The following LRBA variants were observed in gnomAD, a reference collection of about 807,000 sequenced individuals.
LRBA encodes lipopolysaccharide-responsive and beige-like anchor protein.
LRBA carries 176 observed loss-of-function variants against 330.0 expected under a neutral mutation model. That is an observed-to-expected ratio of 0.53 (90% CI 0.47 to 0.60). The LOEUF is 0.60. Ranked by LOEUF, LRBA falls within the 20% of genes least tolerant of loss-of-function variation. LRBA has a pLI of 0.00. For missense variants in LRBA, 3,259 were observed against 3,444.8 expected (o/e 0.95, Z 1.35); for synonymous variants, 1,230 against 1,193.0 (o/e 1.03, Z -0.64).
chr4:150,496,308 A>AT (rs1759587210), intron 40 of LRBA, among the ~76,000 whole-genome samples: 1 of 152,100 alleles, frequency 6.6e-6, no homozygotes, highest in Non-Finnish European at 1.5e-5. Flanking sequence ...GTAAAAGCTT[A>AT]TAAGTTTATC....
At chr4:150,723,853 C>T (rs778839662) in intron 36 of LRBA, among the ~76,000 whole-genome samples, 3 of 152,110 alleles carry the variant, frequency 2.0e-5, no homozygotes, top group East Asian at 1.9e-4. Flanking sequence ...GAGTCTCAGG[C>T]CTGGCAGCAT....
chr4:151,004,472 T>C (rs934303431), intron 2 of LRBA, among the ~76,000 whole-genome samples: 7 of 152,162 alleles, frequency 4.6e-5, no homozygotes, highest in African/African-American at 1.7e-4. Context: ...CAGAGAGTGA[T>C]TTCATCACAC....
chr4:150,618,931 T>C (rs1776041464), intron 37 of LRBA, among the ~76,000 whole-genome samples: 1 of 151,504 alleles, frequency 6.6e-6, no homozygotes, highest in Non-Finnish European at 1.5e-5. Context: ...AAGACAAATA[T>C]GCACTTAAGT....
intron 48 of LRBA, among the ~76,000 whole-genome samples, chr4:150,328,405 TTATC>T (rs1733565402): frequency 6.6e-6 from 1 of 152,180 alleles, no homozygotes; most frequent in Non-Finnish European, 1.5e-5. Flanking sequence ...ACTTTTTTTT[TTATC>T]TTTCTCTCTT....
chr4:150,609,605 GAT>G, intron 37 of LRBA, among the ~76,000 whole-genome samples: 2 of 152,180 alleles, frequency 1.3e-5, no homozygotes, highest in Non-Finnish European at 2.9e-5. Flanking sequence ...CCACCTAACA[GAT>G]ACATGGATTA....
In LRBA at chr4:150,375,654, G is replaced by T. The variant is rs945925465; in HGVS notation, c.7195-25495C>A. The stretch of plus-strand genomic sequence containing the variant: ...TTTTTTTTGAATTTTTAGTAGAGAC[G>T]GGATTTCACCATGTTGGCCTCAATC... On this transcript the variant is annotated intron_variant, in intron 47 of 56. Transcript: ENST00000651943. Among the ~76,000 whole-genome samples the T allele has an allele frequency of 5.3e-5, 8 of 150,050 alleles. No individual in the cohort carries two copies. The South Asian group carries it at 1.1e-3, about 20-fold the overall frequency.
chr4:150,612,227 G>C (rs1230963303), intron 37 of LRBA, among the ~76,000 whole-genome samples: 2 of 152,092 alleles, frequency 1.3e-5, no homozygotes, highest in Admixed American at 1.3e-4. Flanking sequence ...ACCCTCCATA[G>C]CATAACATTT....
At chr4:150,586,013 C>A (rs1772070752) in intron 40 of LRBA, among the ~76,000 whole-genome samples, 1 of 152,136 alleles carries the variant, frequency 6.6e-6, no homozygotes, top group Non-Finnish European at 1.5e-5. Context: ...TCCACTCTTT[C>A]AACTCAACCT....
chr4:150,457,723 T>G (rs1006828476), intron 44 of LRBA, among the ~76,000 whole-genome samples: 1 of 151,938 alleles, frequency 6.6e-6, no homozygotes, highest in Non-Finnish European at 1.5e-5. Flanking sequence ...TAAAAAAAAT[T>G]TCCTAGGTGT....
chr4:150,498,733 A>G (rs994696440), intron 40 of LRBA, among the ~76,000 whole-genome samples: 4 of 152,200 alleles, frequency 2.6e-5, no homozygotes, highest in Admixed American at 1.3e-4. Context: ...CACAATGTCA[A>G]TATCATTGTG....
At chr4:150,282,429 A>G (rs1284887311) in intron 55 of LRBA, 21 bp downstream of exon 55, 1 of 1,602,714 alleles carries the variant, frequency 6.2e-7, no homozygotes, top group African/African-American at 1.3e-5. Context: ...GTGAATGCTG[A>G]AGAGTCCCCA....
intron 37 of LRBA, among the ~76,000 whole-genome samples, chr4:150,619,103 G>A (rs1318033538): frequency 3.3e-5 from 5 of 151,950 alleles, no homozygotes; most frequent in Non-Finnish European, 7.4e-5. Flanking sequence ...ATCAATGCAA[G>A]TTTAAAAAGA....
chr4:150,364,817 T>C (rs2151850608), intron 47 of LRBA, among the ~76,000 whole-genome samples: 1 of 152,266 alleles, frequency 6.6e-6, no homozygotes, highest in Middle Eastern at 3.4e-3. Flanking sequence ...TTCTTGGAAC[T>C]GAGCATATAG....
chr4:150,454,939 AT>A (rs139935647), intron 44 of LRBA, among the ~76,000 whole-genome samples: 25,832 of 148,556 alleles, frequency 0.17, 2,258 homozygotes, highest in Non-Finnish European at 0.21. Flanking sequence ...AGTGTTTTTT[AT>A]TTTTTTTTAT....
intron 40 of LRBA, among the ~76,000 whole-genome samples, chr4:150,549,499 T>G (rs1388172478): frequency 6.6e-6 from 1 of 151,818 alleles, no homozygotes; most frequent in Non-Finnish European, 1.5e-5. Flanking sequence ...GCCCGGCTAA[T>G]TTTTTGTATT....
Position 150,817,188 on chromosome 4 carries a change from A to G in LRBA, c.5241T>C (p.Asn1747=), listed in dbSNP as rs72719631. 2,216 of 1,612,140 alleles carry G rather than the reference A, an allele frequency of 1.4e-3. 4 individuals are homozygous for G. The highest frequency in any genetic ancestry group is 1.6e-3 in the Non-Finnish European group (1,905 of 1,178,580). Residue 1747 remains asparagine, a synonymous_variant, in exon 31 of 57, where the codon AAT becomes AAC. Coordinates refer to ENST00000651943, the MANE Select transcript of LRBA (RefSeq NM_001364905.1). ...PSTFNTSIPT[N]AVSVVSSVDS... is the part of the protein sequence containing the mutation. Reference sequence around the variant, plus strand: ...CTACTGAGGAAACCACACTGACAGCATTGGTAGGTATGCTTGTATTAAAGG... The same window carrying G: ...CTACTGAGGAAACCACACTGACAGCGTTGGTAGGTATGCTTGTATTAAAGG...
intron 47 of LRBA, among the ~76,000 whole-genome samples, chr4:150,383,152 C>T (rs1342144930): frequency 6.6e-6 from 1 of 152,172 alleles, no homozygotes; most frequent in Non-Finnish European, 1.5e-5. Flanking sequence ...GATAGTAGTG[C>T]TCAAAGTAGT....
intron 37 of LRBA, among the ~76,000 whole-genome samples, chr4:150,678,550 C>T (rs577461986): frequency 1.4e-4 from 22 of 152,222 alleles, no homozygotes; most frequent in African/African-American, 4.1e-4. Flanking sequence ...CAAAGACTTT[C>T]AAAAATATAC....
intron 47 of LRBA, among the ~76,000 whole-genome samples, chr4:150,373,172 T>TGTGTGTGTGTGTGAGA (rs1283762385): frequency 1.0e-5 from 1 of 97,458 alleles, no homozygotes; most frequent in African/African-American, 4.4e-5. Context: ...TGTGTGTGTG[T>TGTGTGTGTGTGTGAGA]GAGAGAGAGA....
Sources: allele counts gnomAD v4.1 joint callset (sites outside exome capture counted in the v4.1 genomes callset), GRCh38; gene constraint gnomAD v4.1.1; transcripts MANE v1.5; gene names NCBI Gene and HGNC (gene_info 2026-07-23, HGNC 2026-07-21).